Variants in ADAM17 observed in about 807,000 individuals in gnomAD.
ADAM17 encodes disintegrin and metalloproteinase domain-containing protein 17.
ADAM17 carries 39 observed loss-of-function variants against 96.7 expected under a neutral mutation model. That is an observed-to-expected ratio of 0.40 (90% CI 0.31 to 0.53). The LOEUF is 0.53. ADAM17 is among the 20% of genes least tolerant of loss of function. ADAM17 has a pLI of 0.44. For synonymous variants in ADAM17, 344 were observed against 359.2 expected (o/e 0.96, Z 0.48); for missense variants, 777 against 1,013.2 (o/e 0.77, Z 3.17).
chr2:9,543,016 T>C, intron 2 of ADAM17, 137 bp downstream of exon 2: 1 of 1,153,838 alleles, frequency 8.7e-7, no homozygotes, highest in Non-Finnish European at 1.2e-6. Context: ...AATTTTAGAA[T>C]AAGCATTATA....
At chr2:9,544,815 A>G (rs1665344339) in intron 1 of ADAM17, among the ~76,000 whole-genome samples, 1 of 151,660 alleles carries the variant, frequency 6.6e-6, no homozygotes, top group Admixed American at 6.6e-5. Context: ...ACAGAGCAAG[A>G]CTCCATCTCA....
rs1328796188 is a variant in ADAM17 at position 9,550,461 on chromosome 2, T to G, written c.97+5048A>C. Among the ~76,000 whole-genome samples the G allele has an allele frequency of 2.7e-5, 4 of 146,440 alleles. No homozygotes were observed. The East Asian group carries it at 7.9e-4, about 29-fold the overall frequency. On this transcript the variant is annotated intron_variant, in intron 1 of 18. Coordinates refer to ENST00000310823, the MANE Select transcript of ADAM17 (RefSeq NM_003183.6). ...ATTCTTTTTTTTTTTTTTTTTTTTT[T>G]TTGAGATGGAGTCTCACTCTGCTGC...
chr2:9,526,643 A>T (rs1664542827), intron 5 of ADAM17, among the ~76,000 whole-genome samples: 1 of 152,096 alleles, frequency 6.6e-6, no homozygotes, highest in African/African-American at 2.4e-5. Flanking sequence ...TAAAAATACA[A>T]AAATTAGCCA....
At chr2:9,529,740 G>A (rs961389970) in intron 4 of ADAM17, among the ~76,000 whole-genome samples, 1 of 152,166 alleles carries the variant, frequency 6.6e-6, no homozygotes, top group Non-Finnish European at 1.5e-5. Context: ...GGGAGGCCAT[G>A]GTGGGCAGAT....
chr2:9,546,680 G>A (rs192639335), intron 1 of ADAM17, among the ~76,000 whole-genome samples: 27 of 150,810 alleles, frequency 1.8e-4, no homozygotes, highest in Admixed American at 1.7e-3. Flanking sequence ...AGACACTGCC[G>A]CACTGTCTAT....
intron 2 of ADAM17, among the ~76,000 whole-genome samples, chr2:9,538,458 T>C (rs916077212): frequency 4.6e-5 from 7 of 152,220 alleles, no homozygotes; most frequent in African/African-American, 1.7e-4. Context: ...TCGTAAATCC[T>C]TGGAACATTT....
intron 2 of ADAM17, among the ~76,000 whole-genome samples, chr2:9,538,854 G>A: frequency 6.6e-6 from 1 of 152,062 alleles, no homozygotes; most frequent in East Asian, 1.9e-4. Flanking sequence ...TTTGACTTAA[G>A]AATTTACAGT....
chr2:9,493,101 T>G, intron 16 of ADAM17, 115 bp from the exon 17 acceptor site: 1 of 794,140 alleles, frequency 1.3e-6, no homozygotes, highest in Non-Finnish European at 2.0e-6. Flanking sequence ...CTAGACATAC[T>G]ACCGAGAGCA....
rs2298763 is a variant in ADAM17, at chr2:9,517,818, A to T, written c.1191+83T>A. 122,440 of 890,288 alleles carry T rather than the reference A, an allele frequency of 0.14. 9,147 individuals carry two copies. Among genetic ancestry groups the T allele is most frequent in the Non-Finnish European group, 0.15 (95,155 of 636,838 alleles). The allele number at this position is 890,288 out of a possible 1,614,324, so 55.1% of individuals were successfully genotyped here. ...AAAAACAGTATATATTACATTTTTTAAAAAAATACCTACATAAATATATAA... is the reference window on the plus strand; with the variant it reads ...AAAAACAGTATATATTACATTTTTTTAAAAAATACCTACATAAATATATAA... On this transcript the variant is annotated intron_variant, in intron 10 of 18. Transcript: ENST00000310823.
intron 3 of ADAM17, among the ~76,000 whole-genome samples, 186 bp from the exon 4 acceptor site, chr2:9,536,108 G>A (rs971330842): frequency 3.9e-5 from 6 of 152,114 alleles, no homozygotes; most frequent in African/African-American, 1.4e-4. Flanking sequence ...GTAGCCTCAA[G>A]TTTAGTCACT....
At position 9,502,233 on chromosome 2, in the gene ADAM17, C is replaced by A; in HGVS notation, c.1588G>T (p.Ala530Ser). ...PCCKNCQFET[A>S]QKKCQEAINA... ...ATCGCCTCCTGGCACTTCTTCTGGG[C>A]AGTCTCAAACTGACAGTTTTTACAG... The change falls in exon 13 of 19, where the codon GCC (alanine) becomes TCC (serine). Residue 530 changes from alanine to serine, a missense_variant. Physicochemically the swap from Ala to Ser is moderately conservative, Grantham distance 99. This residue lies in a region of ADAM17 where 446 missense variants were observed against 664.7 expected (regional missense o/e 0.67). Coordinates refer to ENST00000310823, the MANE Select transcript of ADAM17 (RefSeq NM_003183.6). 3.1e-6 allele frequency: 5 copies of A among 1,614,058 alleles called. No individual in the cohort carries two copies. The highest frequency in any genetic ancestry group is 4.2e-6 in the Non-Finnish European group (5 of 1,180,032).
chr2:9,531,518 G>A (rs1307216473), intron 4 of ADAM17, among the ~76,000 whole-genome samples: 1 of 151,788 alleles, frequency 6.6e-6, no homozygotes, highest in African/African-American at 2.4e-5. Flanking sequence ...CCTGGCCAAC[G>A]TGGCAAAACC....
intron 10 of ADAM17, among the ~76,000 whole-genome samples, chr2:9,514,569 A>AT (rs1412793326): frequency 8.3e-4 from 99 of 119,978 alleles, no homozygotes; most frequent in Admixed American, 1.4e-3. Flanking sequence ...ATATATATAT[A>AT]AATAAAAAGA....
chr2:9,526,015 C>T lies in ADAM17; in HGVS notation c.753+96G>A, dbSNP rs1664508722. ...TCCCTCAAATATTTTAGGGAAATAA[C>T]AGAGTATCTGGAACAGATCTGGTTG... On this transcript the variant is annotated intron_variant, in intron 6 of 18. Coordinates refer to ENST00000310823, the MANE Select transcript of ADAM17 (RefSeq NM_003183.6). 3.5e-6 allele frequency: 4 copies of T among 1,147,394 alleles called. No homozygotes were observed. In the South Asian group the frequency reaches 6.8e-5, roughly 20 times the overall value. 71.1% of individuals were successfully genotyped at this position (1,147,394 alleles called of 1,614,324 possible).
intron 6 of ADAM17, among the ~76,000 whole-genome samples, chr2:9,525,155 C>T (rs1049343650): frequency 1.3e-5 from 2 of 151,812 alleles, no homozygotes; most frequent in Non-Finnish European, 2.9e-5. Context: ...GATATGGGGC[C>T]GAGTGCTGTG....
At chr2:9,493,014 C>T (rs1324519157) in intron 16 of ADAM17, 28 bp from the exon 17 acceptor site, 1 of 1,557,346 alleles carries the variant, frequency 6.4e-7, no homozygotes, top group African/African-American at 1.4e-5. Context: ...CAGTTAATGT[C>T]TTGACCAAGT....
At chr2:9,494,982 A>C (rs1264321404) in intron 14 of ADAM17, 3 of 420,426 alleles carry the variant, frequency 7.1e-6, no homozygotes, top group Non-Finnish European at 1.3e-5. Flanking sequence ...GTTTAAAAAA[A>C]AATGCAGAGA....
intron 13 of ADAM17, among the ~76,000 whole-genome samples, chr2:9,501,596 G>A (rs779214995): frequency 5.7e-4 from 87 of 152,340 alleles, no homozygotes; most frequent in Admixed American, 1.8e-3. Flanking sequence ...GTCCCCAACA[G>A]TGAAATACAT....
chr2:9,495,852 C>A (rs1053262552), intron 14 of ADAM17, among the ~76,000 whole-genome samples: 1 of 149,320 alleles, frequency 6.7e-6, no homozygotes, highest in Non-Finnish European at 1.5e-5. Context: ...GCATCTGCTA[C>A]GTGTTACCTT....
Sources: gnomAD v4.1 joint callset for allele counts (sites outside exome capture counted in the v4.1 genomes callset) on GRCh38, gnomAD v4.1.1 for gene constraint, gnomAD v4.1.1 regional missense constraint, MANE v1.5 for transcripts, NCBI Gene and HGNC (gene_info 2026-07-23, HGNC 2026-07-21) for gene names.